PKD1L1: variants seen among roughly 807,000 people sequenced by gnomAD.
The protein encoded by PKD1L1 is polycystin-1-like protein 1.
PKD1L1 carries 236 observed loss-of-function variants against 323.4 expected under a neutral mutation model. The observed-to-expected ratio is 0.73, with a 90% CI of 0.66 to 0.81. The LOEUF is 0.81. PKD1L1 is among the 40% of genes least tolerant of loss of function. The pLI is 0.00. For missense variants in PKD1L1, 3,320 were observed against 3,508.0 expected, an observed-to-expected ratio of 0.95 and a Z score of 1.35; for synonymous variants, 1,344 against 1,335.0, an observed-to-expected ratio of 1.01 and a Z score of -0.15.
chr7:47,804,613 G>A (rs1397129928), intron 52 of PKD1L1, among the ~76,000 whole-genome samples: 8 of 151,676 alleles, frequency 5.3e-5, no homozygotes, highest in Admixed American at 5.3e-4. Flanking sequence ...GGGGCTACAG[G>A]CACATGCCAC....
At position 47,940,173 on chromosome 7, in the gene PKD1L1, T is replaced by C; in HGVS notation, c.285+20A>G. 6.2e-7 allele frequency: 1 copy of C among 1,614,062 alleles called. No homozygotes were observed. Among genetic ancestry groups the C allele is most frequent in the Non-Finnish European group, 8.5e-7 (1 of 1,179,960 alleles). On this transcript the variant is annotated intron_variant, in intron 3 of 56. Coordinates refer to ENST00000289672, the MANE Select transcript of PKD1L1 (RefSeq NM_138295.5). The stretch of plus-strand genomic sequence containing the variant: ...CTGTATTCAGGAAGAAAAGCCTAAT[T>C]TCCCCAGATCCAGGAATACCTTCTG...
chr7:47,810,589 C>T (rs1005143205), intron 50 of PKD1L1, among the ~76,000 whole-genome samples: 2 of 152,202 alleles, frequency 1.3e-5, no homozygotes, highest in African/African-American at 2.4e-5. Flanking sequence ...CAGCCTTTAC[C>T]GGGTCACTGA....
At chr7:47,806,726 A>C (rs1169973051) in intron 52 of PKD1L1, among the ~76,000 whole-genome samples, 1 of 152,276 alleles carries the variant, frequency 6.6e-6, no homozygotes, top group Non-Finnish European at 1.5e-5. Context: ...GGCCTTGGCC[A>C]GCCCAGCTCT....
rs1308273496 is a variant in PKD1L1 at position 47,905,169 on chromosome 7, C to A, written c.1679G>T (p.Ser560Ile). The change falls in exon 11 of 57, where the codon AGC (serine) becomes ATC (isoleucine). Residue 560 changes from serine to isoleucine, a missense_variant. Coordinates refer to ENST00000289672, the MANE Select transcript of PKD1L1 (RefSeq NM_138295.5). ...TTSRSIKKRL[S>I]IPQWYRVMVK... The stretch of plus-strand genomic sequence containing the variant: ...TACTTTTACTGACCATTGGGGGATG[C>A]TGAGTCTTTTTTTAATGCTTCTTGA... The A allele has an allele frequency of 1.2e-6, 2 of 1,613,826 alleles. No homozygotes were observed. Among genetic ancestry groups the A allele is most frequent in the East Asian group, 4.5e-5 (2 of 44,872 alleles).
Position 47,905,283 on chromosome 7 carries a change from G to A in PKD1L1, c.1565C>T (p.Thr522Ile), listed in dbSNP as rs1562983395. 1.9e-6 allele frequency: 3 copies of A among 1,614,146 alleles called. No individual in the cohort carries two copies. Among genetic ancestry groups the A allele is most frequent in the East Asian group, 4.5e-5 (2 of 44,884 alleles). ...YTNGTVFATD[T>I]DITFTAVTKE... ...GGTAACAGCTGTAAATGTAATGTCT[G>A]TGTCTGTGGCAAACACAGTTCCATT... is the stretch of plus-strand genomic sequence containing the variant. The change falls in exon 11 of 57, where the codon ACA (threonine) becomes ATA (isoleucine). Residue 522 changes from threonine (T) to isoleucine (I), a missense_variant. Transcript: ENST00000289672.
In PKD1L1 at chr7:47,854,986, G is replaced by C; in HGVS notation, c.4755C>G (p.Leu1585=). 6.2e-7 allele frequency: 1 copy of C among 1,613,978 alleles called. No individual in the cohort carries two copies. Among genetic ancestry groups the C allele is most frequent in the African/African-American group, 1.3e-5 (1 of 75,044 alleles). Residue 1585 remains leucine (L), a synonymous_variant, in exon 30 of 57, where the codon CTC becomes CTG. Coordinates refer to ENST00000289672, the MANE Select transcript of PKD1L1 (RefSeq NM_138295.5). The stretch of plus-strand genomic sequence containing the variant: ...TTTCGGAAAGCTCAGTGAACTGATG[G>C]AGATTCACTTTATCCCGAAGTAATA... The part of the protein sequence containing the change: ...TFVLLRDKVN[L]HQFTELSENP...
rs10639721 is a variant in PKD1L1 at position 47,899,955 on chromosome 7, C to CAAAAAAAAAAAAAAAA, written c.2065-1762_2065-1761insTTTTTTTTTTTTTTTT. ...TAGGCAACAGAGCGAGACTCCATCC[C>CAAAAAAAAAAAAAAAA]AAAAAAAAAAAAAATCGGAAAGGGA... On this transcript the variant is annotated intron_variant, in intron 13 of 56. Coordinates refer to ENST00000289672, the MANE Select transcript of PKD1L1 (RefSeq NM_138295.5). Among the ~76,000 whole-genome samples, 372 of 106,052 alleles carry CAAAAAAAAAAAAAAAA rather than the reference C, an allele frequency of 3.5e-3. 5 individuals carry two copies. Among genetic ancestry groups the CAAAAAAAAAAAAAAAA allele is most frequent in the East Asian group, 7.6e-3 (24 of 3,140 alleles). The allele number at this position is 106,052 out of a possible 152,430, so 69.6% of individuals were successfully genotyped here.
At chr7:47,788,443 A>T (rs1786860946) in intron 56 of PKD1L1, among the ~76,000 whole-genome samples, 1 of 150,430 alleles carries the variant, frequency 6.6e-6, no homozygotes. Context: ...GGTGTGCACC[A>T]TGCCGGGTTA....
intron 46 of PKD1L1, among the ~76,000 whole-genome samples, chr7:47,816,507 C>A (rs1785022909): frequency 6.6e-6 from 1 of 152,138 alleles, no homozygotes; most frequent in Non-Finnish European, 1.5e-5. Flanking sequence ...TACCTCTCAC[C>A]TAACTCTAAA....
chr7:47,884,180 G>A (rs563504916), intron 19 of PKD1L1, among the ~76,000 whole-genome samples: 1 of 150,766 alleles, frequency 6.6e-6, no homozygotes, highest in African/African-American at 2.5e-5. Context: ...GGGGGTTGGG[G>A]GGAAGGCGGG....
intron 4 of PKD1L1, among the ~76,000 whole-genome samples, chr7:47,932,513 G>A (rs1787791755): frequency 6.6e-6 from 1 of 152,236 alleles, no homozygotes; most frequent in Admixed American, 6.5e-5. Flanking sequence ...CAGGGCTTGG[G>A]AATGGGACTC....
rs927896990 is a variant in PKD1L1 at position 47,774,764 on chromosome 7, C to G, written c.*379G>C. 1 of 168,942 alleles carries G rather than the reference C, an allele frequency of 5.9e-6. No individual in the cohort carries two copies. Among genetic ancestry groups the G allele is most frequent in the Non-Finnish European group, 1.3e-5 (1 of 79,588 alleles). 10.5% of individuals were successfully genotyped at this position (168,942 alleles called of 1,614,324 possible). A position where few individuals can be genotyped will look rare whatever the true frequency, so the allele number is the denominator to read the frequency against. ...AGAATGTTATCCTGGTCTCTTTCAT[C>G]GCTTTTATGAGACCTGAAAGAAATT... is the stretch of plus-strand genomic sequence containing the variant. On this transcript the variant is annotated 3_prime_UTR_variant, in exon 57 of 57. Transcript: ENST00000289672.
intron 26 of PKD1L1, among the ~76,000 whole-genome samples, chr7:47,861,293 G>A (rs1786017129): frequency 6.6e-6 from 1 of 152,188 alleles, no homozygotes; most frequent in Admixed American, 6.5e-5. Flanking sequence ...ACAAATCAAA[G>A]GTGTTGAAGT....
chr7:47,804,469 ATTTTT>A lies in PKD1L1; in HGVS notation c.7828-1130_7828-1126del, dbSNP rs71966592. 2.0e-3 allele frequency among the ~76,000 whole-genome samples: 252 copies of A among 123,048 alleles called. 2 individuals are homozygous for A. The highest frequency in any genetic ancestry group is 6.5e-3 in the African/African-American group (214 of 33,038). The allele number at this position is 123,048 out of a possible 152,430, so 80.7% of individuals were successfully genotyped here. A position where few individuals can be genotyped will look rare whatever the true frequency, so the allele number is the denominator to read the frequency against. On this transcript the variant is annotated intron_variant, in intron 52 of 56. Transcript: ENST00000289672. ...ATTATTGAGATATTTTACATTTTTA[ATTTTT>A]TTTTTTTTTTTTTTTGAGAGAGAGT... is the stretch of plus-strand genomic sequence containing the variant.
At chr7:47,947,586 C>G (rs1307328235) in intron 1 of PKD1L1, among the ~76,000 whole-genome samples, 2 of 152,254 alleles carry the variant, frequency 1.3e-5, no homozygotes, top group African/African-American at 4.8e-5. Flanking sequence ...TGCCATGAGA[C>G]AGTCAACAGC....
At chr7:47,820,944 T>C in intron 46 of PKD1L1, 132 bp downstream of exon 46, 1 of 592,398 alleles carries the variant, frequency 1.7e-6, no homozygotes, top group East Asian at 2.8e-5. Context: ...AAGGGGGTTT[T>C]ATTACTACCA....
At position 47,781,641 on chromosome 7, in the gene PKD1L1, C is replaced by T. The variant is rs191977071; in HGVS notation, c.8527-6475G>A. Among the ~76,000 whole-genome samples, 126 of 151,938 alleles carry T rather than the reference C, an allele frequency of 8.3e-4. 3 individuals carry two copies. The highest frequency in any genetic ancestry group is 6.8e-3 in the Admixed American group (104 of 15,258). ...AGCCAGGATGGTCTCGATTTCCTGACGTAGTGATCCGCCCGCCTCAGCCTC... is the reference window on the plus strand; with the variant it reads ...AGCCAGGATGGTCTCGATTTCCTGATGTAGTGATCCGCCCGCCTCAGCCTC... On this transcript the variant is annotated intron_variant, in intron 56 of 56. Transcript: ENST00000289672.
At position 47,803,248 on chromosome 7, in the gene PKD1L1, TG is replaced by T; in HGVS notation, c.7923del (p.Met2642Ter). The T allele has an allele frequency of 1.2e-6, 2 of 1,614,134 alleles. No homozygotes were observed. The highest frequency in any genetic ancestry group is 2.2e-5 in the South Asian group (2 of 91,088). ...ATGCTGGGGAGTGAGTGGCGCATCA[TG>T]GAGGAGCAGGATGCCATTGTGTTTT... Reference protein sequence around the residue: ...GIQNTMASCSSMMRHSLPSIF... With the variant: ...GIQNTMASCSXMMRHSLPSIF... On this transcript the variant is annotated frameshift_variant, in exon 53 of 57. Coordinates refer to ENST00000289672, the MANE Select transcript of PKD1L1 (RefSeq NM_138295.5). LOFTEE classifies it high-confidence loss of function.
chr7:47,842,973 A>ACCT lies in PKD1L1; in HGVS notation c.5431_5433dup (p.Arg1811dup). 6.2e-7 allele frequency: 1 copy of ACCT among 1,613,200 alleles called. No individual in the cohort carries two copies. The highest frequency in any genetic ancestry group is 1.3e-5 in the African/African-American group (1 of 74,936). On this transcript the variant is annotated inframe_insertion, in exon 34 of 57. Coordinates refer to ENST00000289672, the MANE Select transcript of PKD1L1 (RefSeq NM_138295.5). ...GATGCTCGAGCTACCTTTGAGGTCA[A>ACCT]CCTGGCCGGAGCTCGGAAGCCAGTG... is the stretch of plus-strand genomic sequence containing the variant.
Sources: gnomAD v4.1 joint callset for allele counts (sites outside exome capture counted in the v4.1 genomes callset) on GRCh38, gnomAD v4.1.1 for gene constraint, MANE v1.5 for transcripts, NCBI Gene and HGNC (gene_info 2026-07-23, HGNC 2026-07-21) for gene names.